Variants in CSMD1 observed in about 807,000 individuals in gnomAD.
CSMD1 encodes CUB and Sushi multiple domains 1.
CSMD1 carries 213 observed loss-of-function variants against 417.5 expected under a neutral mutation model. The ratio of observed to expected loss-of-function variants is 0.51; its 90% CI spans 0.46 to 0.57. CSMD1 has a LOEUF of 0.57. CSMD1 is among the 20% of genes least tolerant of loss of function. The pLI is 0.00. For synonymous variants in CSMD1, 2,862 were observed against 1,736.8 expected, an observed-to-expected ratio of 1.65 and a Z score of -16.11; for missense variants, 6,923 against 4,529.7, an observed-to-expected ratio of 1.53 and a Z score of -15.17.
intron 25 of CSMD1, among the ~76,000 whole-genome samples, chr8:3,285,554 T>G (rs527845201): frequency 1.2e-4 from 18 of 151,962 alleles, no homozygotes; most frequent in African/African-American, 4.3e-4. Context: ...GTTCAGTTAT[T>G]ATTAGTATTA....
Position 4,895,588 on chromosome 8 carries a change from G to C in CSMD1, c.85+98744C>G, listed in dbSNP as rs559374984. Among the ~76,000 whole-genome samples the C allele has an allele frequency of 3.0e-4, 45 of 152,038 alleles. 1 individual carries two copies. The highest frequency in any genetic ancestry group is 2.9e-5 in the Non-Finnish European group (2 of 67,996). On this transcript the variant is annotated intron_variant, in intron 1 of 69. Transcript: ENST00000635120. ...TGCTGATTCAAAGGTATTGATTATA[G>C]TTATTCGGGGGCTTCTTTTTATGAT...
Position 3,445,866 on chromosome 8 carries a change from T to C in CSMD1, c.1561+22846A>G, listed in dbSNP as rs192224856. ...AGAAAGAGTATAATTCAAGATGGTA[T>C]GTTATAGAAATAGCAAAAGCGTAAA... On this transcript the variant is annotated intron_variant, in intron 12 of 69. Coordinates refer to ENST00000635120, the MANE Select transcript of CSMD1 (RefSeq NM_033225.6). 3.8e-3 allele frequency among the ~76,000 whole-genome samples: 585 copies of C among 152,220 alleles called. 1 individual carries two copies. Among genetic ancestry groups the C allele is most frequent in the Admixed American group, 5.9e-3 (91 of 15,298 alleles).
At chr8:3,861,885 G>C (rs1001240729) in intron 5 of CSMD1, among the ~76,000 whole-genome samples, 4 of 152,176 alleles carry the variant, frequency 2.6e-5, no homozygotes, top group African/African-American at 7.2e-5. Context: ...CACAGTGGAA[G>C]TCATAGCATC....
intron 1 of CSMD1, among the ~76,000 whole-genome samples, chr8:4,801,091 A>G (rs567253935): frequency 6.6e-6 from 1 of 152,340 alleles, no homozygotes; most frequent in Admixed American, 6.5e-5. Flanking sequence ...TGATAAATTC[A>G]TGAGCCAAAA....
intron 26 of CSMD1, 137 bp downstream of exon 26, chr8:3,284,007 C>A (rs1051794157): frequency 1.3e-6 from 1 of 772,504 alleles, no homozygotes; most frequent in Admixed American, 2.3e-5. Flanking sequence ...CTGCAACATG[C>A]ATTTTCCTAA....
At chr8:4,170,313 T>A (rs559673796) in intron 3 of CSMD1, among the ~76,000 whole-genome samples, 1 of 152,036 alleles carries the variant, frequency 6.6e-6, no homozygotes, top group Non-Finnish European at 1.5e-5. Context: ...CTCAATGATA[T>A]AAAAAGTAAC....
At chr8:4,212,921 C>G (rs1177582139) in intron 3 of CSMD1, among the ~76,000 whole-genome samples, 3 of 152,214 alleles carry the variant, frequency 2.0e-5, no homozygotes, top group African/African-American at 7.2e-5. Context: ...CACTTCTTCT[C>G]ATTCCCAACT....
chr8:4,238,942 C>T (rs932727436), intron 3 of CSMD1, among the ~76,000 whole-genome samples: 2 of 152,174 alleles, frequency 1.3e-5, no homozygotes, highest in African/African-American at 4.8e-5. Flanking sequence ...ATTTTCTACC[C>T]TGTTCTTCTG....
intron 1 of CSMD1, among the ~76,000 whole-genome samples, chr8:4,718,617 A>C (rs368402615): frequency 6.6e-6 from 1 of 152,124 alleles, no homozygotes; most frequent in African/African-American, 2.4e-5. Context: ...TTGAATTTTG[A>C]TATTATTTTA....
chr8:4,721,162 T>C (rs1196086151), intron 1 of CSMD1, among the ~76,000 whole-genome samples: 1 of 152,184 alleles, frequency 6.6e-6, no homozygotes, highest in Non-Finnish European at 1.5e-5. Flanking sequence ...AAAAGACTAA[T>C]CAAATTAAAC....
chr8:3,889,938 G>T (rs1278885010), intron 5 of CSMD1, among the ~76,000 whole-genome samples: 3 of 152,106 alleles, frequency 2.0e-5, no homozygotes, highest in Middle Eastern at 6.3e-3. Flanking sequence ...GTCTCAGACG[G>T]TTGGATGGCT....
At chr8:4,319,637 C>A (rs1055936245) in intron 3 of CSMD1, among the ~76,000 whole-genome samples, 1 of 152,056 alleles carries the variant, frequency 6.6e-6, no homozygotes, top group Non-Finnish European at 1.5e-5. Flanking sequence ...GAATTACTTA[C>A]CCAGTTCACT....
At chr8:4,295,737 T>C in intron 3 of CSMD1, among the ~76,000 whole-genome samples, 1 of 34,138 alleles carries the variant, frequency 2.9e-5, no homozygotes, top group Non-Finnish European at 4.9e-5. Flanking sequence ...TGTGTGTGTG[T>C]ATATGTGTGT....
At chr8:4,589,940 G>A (rs1169235759) in intron 2 of CSMD1, among the ~76,000 whole-genome samples, 1 of 152,094 alleles carries the variant, frequency 6.6e-6, no homozygotes, top group East Asian at 1.9e-4. Flanking sequence ...CCCACACACT[G>A]GACCTGGAAG....
At chr8:4,142,937 C>A (rs1803877949) in intron 3 of CSMD1, among the ~76,000 whole-genome samples, 1 of 150,304 alleles carries the variant, frequency 6.7e-6, no homozygotes, top group Non-Finnish European at 1.5e-5. Flanking sequence ...GAAGTATTTG[C>A]ATCATAAACA....
chr8:4,061,670 T>A (rs1290815355), intron 3 of CSMD1, among the ~76,000 whole-genome samples: 1 of 152,202 alleles, frequency 6.6e-6, no homozygotes, highest in East Asian at 1.9e-4. Context: ...TGTTTCGTGA[T>A]GGTGTGAAAT....
At chr8:4,340,458 T>C (rs1800410343) in intron 3 of CSMD1, among the ~76,000 whole-genome samples, 2 of 152,126 alleles carry the variant, frequency 1.3e-5, no homozygotes, top group Non-Finnish European at 2.9e-5. Flanking sequence ...GAAGGAATTA[T>C]GGGTCTGTCT....
At chr8:4,407,558 T>C (rs1018387371) in intron 3 of CSMD1, among the ~76,000 whole-genome samples, 4 of 152,224 alleles carry the variant, frequency 2.6e-5, no homozygotes, top group African/African-American at 7.2e-5. Flanking sequence ...TAATTTCATA[T>C]AGTAATGTAT....
chr8:4,800,706 C>T (rs1563426569), intron 1 of CSMD1, among the ~76,000 whole-genome samples: 1 of 152,162 alleles, frequency 6.6e-6, no homozygotes, highest in South Asian at 2.1e-4. Flanking sequence ...TCTGCAGCAA[C>T]CCTCATTCCA....
Sources: allele counts gnomAD v4.1 joint callset (sites outside exome capture counted in the v4.1 genomes callset), GRCh38; gene constraint gnomAD v4.1.1; transcripts MANE v1.5; gene names NCBI Gene and HGNC (gene_info 2026-07-23, HGNC 2026-07-21).